NLRP5: variants seen among roughly 807,000 people sequenced by gnomAD.
NLRP5 encodes the protein NLR family pyrin domain containing 5, also known as NACHT, LRR and PYD domains-containing protein 5.
A neutral mutation model predicts 113.1 loss-of-function variants in NLRP5; 93 were observed. That is an observed-to-expected ratio of 0.82 (90% CI 0.70 to 0.98). The LOEUF is 0.98. Among genes scored for constraint, NLRP5 ranks in the 50% least tolerant of loss-of-function variants. The pLI is 0.00. For synonymous variants in NLRP5, 751 were observed against 600.7 expected (o/e 1.25, Z -3.66); for missense variants, 1,808 against 1,514.3 (o/e 1.19, Z -3.22).
At chr19:55,990,893 A>G in the NLRP5 span, among the ~76,000 whole-genome samples, 1 of 152,154 alleles carries the variant, frequency 6.6e-6, no homozygotes, top group Non-Finnish European at 1.5e-5. Context: ...TTGAGGCAGG[A>G]GAATCACTTG....
intron 10 of NLRP5, among the ~76,000 whole-genome samples, chr19:56,038,778 G>C (rs1236989200): frequency 2.6e-5 from 4 of 152,120 alleles, no homozygotes; most frequent in Admixed American, 2.6e-4. Flanking sequence ...GAAACGCAGG[G>C]GGCAGCAGTT....
intron 3 of NLRP5, among the ~76,000 whole-genome samples, chr19:56,009,339 C>CAAAAAAAAAA (rs71296979): frequency 0.094 from 4,174 of 44,174 alleles, 761 homozygotes; most frequent in East Asian, 0.21. Flanking sequence ...GACTCCATCT[C>CAAAAAAAAAA]AAAAAAAAAA....
chr19:56,018,146 A>G (rs983921632), intron 4 of NLRP5, among the ~76,000 whole-genome samples: 3 of 152,172 alleles, frequency 2.0e-5, no homozygotes, highest in African/African-American at 7.2e-5. Context: ...TCAATTTTTC[A>G]TACAATAACC....
chr19:56,000,451 G>A (rs530591599), intron 1 of NLRP5, among the ~76,000 whole-genome samples: 1 of 151,950 alleles, frequency 6.6e-6, no homozygotes, highest in Admixed American at 6.6e-5. Flanking sequence ...TGCAAGCTCC[G>A]ACTCCCGGGT....
chr19:56,052,858 T>G (rs888053043), intron 12 of NLRP5, among the ~76,000 whole-genome samples: 2 of 152,206 alleles, frequency 1.3e-5, no homozygotes, highest in African/African-American at 4.8e-5. Flanking sequence ...TCAGAATCTT[T>G]CCAGTTTCTC....
In NLRP5 at chr19:56,027,081, T is replaced by C. The variant is rs1599891801; in HGVS notation, c.848T>C (p.Val283Ala). The C allele has an allele frequency of 6.4e-7, 1 of 1,563,026 alleles. No individual in the cohort carries two copies. Among genetic ancestry groups the C allele is most frequent in the African/African-American group, 1.4e-5 (1 of 73,512 alleles). Residue 283 changes from valine (V) to alanine (A), a missense_variant, in exon 7 of 15, where the codon GTT (valine) becomes GCT (alanine). By Grantham distance (64) the Val-to-Ala change is moderately conservative (BLOSUM62 0). Coordinates refer to ENST00000390649, the MANE Select transcript of NLRP5 (RefSeq NM_153447.4). The stretch of plus-strand genomic sequence containing the variant: ...TGGGGCTTCCGGCCTCGCACGGTGG[T>C]TCTGCACGGAAAGTCAGGAATTGGG...
At position 56,027,599 on chromosome 19, in the gene NLRP5, C is replaced by T. The variant is rs780213439; in HGVS notation, c.1366C>T (p.Arg456Cys). Residue 456 changes from arginine (R) to cysteine (C), a missense_variant, in exon 7 of 15, where the codon CGT becomes TGT. By Grantham distance (180) the Arg-to-Cys change is radical (BLOSUM62 -3). Transcript: ENST00000390649. The stretch of plus-strand genomic sequence containing the variant: ...TGAGCATCAGAAGACACAAGGGTTG[C>T]GTGCGATCATGAACAACCGTGAGCT... The T allele has an allele frequency of 2.5e-5, 40 of 1,613,728 alleles. 1 individual carries two copies. In the South Asian group the frequency reaches 4.1e-4, roughly 16 times the overall value.
At chr19:56,029,389 C>T (rs1055610306) in intron 7 of NLRP5, among the ~76,000 whole-genome samples, 1 of 152,124 alleles carries the variant, frequency 6.6e-6, no homozygotes, top group African/African-American at 2.4e-5. Context: ...GACTCAGCCT[C>T]TCAAGTAGCT....
chr19:55,996,021 TTA>T (rs1239772418), upstream of NLRP5, among the ~76,000 whole-genome samples: 2 of 140,702 alleles, frequency 1.4e-5, no homozygotes, highest in African/African-American at 5.3e-5. Flanking sequence ...CTGAATTCCT[TTA>T]TCAGTTCTCT....
intron 14 of NLRP5, among the ~76,000 whole-genome samples, chr19:56,059,406 C>T (rs1191446158): frequency 6.6e-6 from 1 of 152,200 alleles, no homozygotes; most frequent in African/African-American, 2.4e-5. Context: ...CGTAGACTAA[C>T]AGGAGTTCAG....
chr19:56,028,371 C>A lies in NLRP5; in HGVS notation c.2138C>A (p.Pro713Gln), dbSNP rs368341158. 3.7e-6 allele frequency: 6 copies of A among 1,613,972 alleles called. No homozygotes were observed. Among genetic ancestry groups the A allele is most frequent in the Non-Finnish European group, 5.1e-6 (6 of 1,179,884 alleles). The change falls in exon 7 of 15, where the codon CCG becomes CAG. Residue 713 changes from proline (P) to glutamine (Q), a missense_variant. Transcript: ENST00000390649. ...AACAGCTTCCAAGAAGTGTGGCTTC[C>A]GATTAACCAGAACCTGGACTTGATA...
chr19:56,034,185 T>C (rs1373610355), intron 9 of NLRP5, among the ~76,000 whole-genome samples: 5 of 152,144 alleles, frequency 3.3e-5, no homozygotes, highest in Non-Finnish European at 7.4e-5. Context: ...GGTCAGGAGT[T>C]CAAGACCAGC....
intron 12 of NLRP5, among the ~76,000 whole-genome samples, chr19:56,051,229 G>C (rs1009308651): frequency 6.6e-6 from 1 of 152,110 alleles, no homozygotes; most frequent in African/African-American, 2.4e-5. Context: ...GTCTTGCTCT[G>C]TTGCCCAGGC....
At chr19:56,008,085 C>T (rs7252469) in intron 2 of NLRP5, among the ~76,000 whole-genome samples, 98,664 of 126,174 alleles carry the variant, frequency 0.78, 40,364 homozygotes, top group Non-Finnish European at 0.87. Context: ...CCCGCCACCA[C>T]GCCCGGCTAA....
chr19:56,027,410 A>G lies in NLRP5; in HGVS notation c.1177A>G (p.Ser393Gly). Residue 393 changes from serine (S) to glycine (G), a missense_variant, in exon 7 of 15, where the codon AGT becomes GGT. Coordinates refer to ENST00000390649, the MANE Select transcript of NLRP5 (RefSeq NM_153447.4). Reference sequence around the variant, plus strand: ...GCAGCCTCCGTTCACCCTCATACGCAGTCTGCTGAGGAAGGTCCTGCTCCC... The same window carrying G: ...GCAGCCTCCGTTCACCCTCATACGCGGTCTGCTGAGGAAGGTCCTGCTCCC... 1 of 1,613,554 alleles carries G rather than the reference A, an allele frequency of 6.2e-7. No individual in the cohort carries two copies. Among genetic ancestry groups the G allele is most frequent in the Non-Finnish European group, 8.5e-7 (1 of 1,179,732 alleles).
chr19:56,046,433 G>A (rs1410322271), intron 11 of NLRP5, among the ~76,000 whole-genome samples: 3 of 90,998 alleles, frequency 3.3e-5, no homozygotes, highest in South Asian at 6.4e-4. Context: ...TTTCTGTTAC[G>A]TCCTTCCCTG....
At chr19:55,998,712 G>GTATA (rs879269189), upstream of NLRP5, among the ~76,000 whole-genome samples, 12 of 104,530 alleles carry the variant, frequency 1.1e-4, no homozygotes, top group Admixed American at 7.7e-4. Context: ...ATGTGTGTGT[G>GTATA]TGTATATATA....
intron 1 of NLRP5, among the ~76,000 whole-genome samples, chr19:56,003,168 T>C (rs1454204017): frequency 6.6e-6 from 1 of 151,986 alleles, no homozygotes; most frequent in African/African-American, 2.4e-5. Context: ...GTTTTTTGTT[T>C]TTTGAGATGG....
chr19:55,998,753 T>G (rs999959933), upstream of NLRP5, among the ~76,000 whole-genome samples: 1 of 146,444 alleles, frequency 6.8e-6, no homozygotes, highest in Non-Finnish European at 1.5e-5. Flanking sequence ...TACACACACT[T>G]TAGCCTCACC....
Sources: allele counts gnomAD v4.1 joint callset (sites outside exome capture counted in the v4.1 genomes callset), GRCh38; gene constraint gnomAD v4.1.1; transcripts MANE v1.5; gene names NCBI Gene and HGNC (gene_info 2026-07-23, HGNC 2026-07-21).